The following MAGI1 variants were observed in gnomAD, a reference collection of about 807,000 sequenced individuals.
MAGI1 encodes the protein membrane-associated guanylate kinase, WW and PDZ domain-containing protein 1.
MAGI1 carries 58 observed loss-of-function variants against 139.9 expected under a neutral mutation model. That is an observed-to-expected ratio of 0.41 (90% CI 0.34 to 0.52). MAGI1 has a LOEUF of 0.52. Among genes scored for constraint, MAGI1 ranks in the 20% least tolerant of loss-of-function variants. The pLI is 0.12. For synonymous variants in MAGI1, 812 were observed against 737.9 expected (o/e 1.10, Z -1.63); for missense variants, 1,874 against 1,901.6 (o/e 0.99, Z 0.27).
At chr3:65,924,333 G>T (rs1434866755) in intron 1 of MAGI1, among the ~76,000 whole-genome samples, 2 of 152,152 alleles carry the variant, frequency 1.3e-5, no homozygotes, top group Non-Finnish European at 2.9e-5. Context: ...AATTAAGAAA[G>T]GTCGGTCTAC....
chr3:65,586,668 C>A (rs556907061), intron 2 of MAGI1, among the ~76,000 whole-genome samples: 3 of 152,050 alleles, frequency 2.0e-5, no homozygotes, highest in African/African-American at 7.2e-5. Context: ...CAAAGATACA[C>A]AAAAATACTA....
chr3:65,551,320 A>G (rs1383252843), intron 2 of MAGI1, among the ~76,000 whole-genome samples: 1 of 152,040 alleles, frequency 6.6e-6, no homozygotes, highest in Non-Finnish European at 1.5e-5. Context: ...TTATTTTTTG[A>G]GACGGAGTCT....
In MAGI1 at chr3:65,851,109, G is replaced by GA. The variant is rs570424019; in HGVS notation, c.313+186886dup. Among the ~76,000 whole-genome samples, 297 of 148,618 alleles carry GA rather than the reference G, an allele frequency of 2.0e-3. 9 individuals carry two copies. The East Asian group carries it at 0.04, about 20-fold the overall frequency. On this transcript the variant is annotated intron_variant, in intron 1 of 22. Coordinates refer to ENST00000402939, the MANE Select transcript of MAGI1 (RefSeq NM_001033057.2). Reference sequence around the variant, plus strand: ...GGACAAGAGCGAGACTTCATCTGGAGAAAAAAAAAATGCCTCATTAGAAGG... The same window carrying GA: ...GGACAAGAGCGAGACTTCATCTGGAGAAAAAAAAAAATGCCTCATTAGAAGG...
intron 1 of MAGI1, among the ~76,000 whole-genome samples, chr3:65,824,066 C>T (rs560292699): frequency 6.6e-6 from 1 of 152,292 alleles, no homozygotes; most frequent in South Asian, 2.1e-4. Context: ...AAGTACAAAA[C>T]AATCAATCAG....
chr3:65,428,842 G>A (rs900490831), intron 12 of MAGI1, among the ~76,000 whole-genome samples: 3 of 152,276 alleles, frequency 2.0e-5, no homozygotes, highest in Middle Eastern at 6.8e-3. Context: ...ATAAAGTGAT[G>A]GGAGAAGCCC....
At chr3:65,734,526 AG>A (rs2034528869) in intron 1 of MAGI1, among the ~76,000 whole-genome samples, 2 of 141,736 alleles carry the variant, frequency 1.4e-5, no homozygotes, top group African/African-American at 6.1e-5. Flanking sequence ...AAAGAGAGAA[AG>A]AGAGAGGGGG....
intron 1 of MAGI1, among the ~76,000 whole-genome samples, chr3:65,928,606 T>C (rs549820254): frequency 2.6e-5 from 4 of 152,282 alleles, no homozygotes; most frequent in African/African-American, 7.2e-5. Context: ...CTGTATTCCA[T>C]TGTTTCCTTT....
At chr3:65,359,231 A>T in intron 22 of MAGI1, 1 of 1,594,278 alleles carries the variant, frequency 6.3e-7, no homozygotes, top group Non-Finnish European at 8.5e-7. Context: ...GAACATTTAG[A>T]TTCCCTATAA....
At chr3:65,539,074 A>G (rs2079087987) in intron 2 of MAGI1, among the ~76,000 whole-genome samples, 1 of 152,044 alleles carries the variant, frequency 6.6e-6, no homozygotes, top group Non-Finnish European at 1.5e-5. Context: ...CTACCATCAA[A>G]CAGACACACG....
At chr3:65,770,037 C>A (rs905945075) in intron 1 of MAGI1, among the ~76,000 whole-genome samples, 3 of 152,128 alleles carry the variant, frequency 2.0e-5, no homozygotes, top group African/African-American at 7.2e-5. Flanking sequence ...CTATCTTGGG[C>A]CCATGATGCT....
At chr3:65,842,044 G>A (rs2058825671) in intron 1 of MAGI1, among the ~76,000 whole-genome samples, 1 of 152,122 alleles carries the variant, frequency 6.6e-6, no homozygotes. Context: ...ATTTTTCTCA[G>A]TCTACCTTTC....
At chr3:65,813,985 G>A (rs1285242257) in intron 1 of MAGI1, among the ~76,000 whole-genome samples, 1 of 152,132 alleles carries the variant, frequency 6.6e-6, no homozygotes, top group East Asian at 1.9e-4. Flanking sequence ...ATAAAATTAT[G>A]GGTACGGAAA....
At chr3:65,623,841 C>T (rs2083817483) in intron 1 of MAGI1, among the ~76,000 whole-genome samples, 1 of 152,100 alleles carries the variant, frequency 6.6e-6, no homozygotes, top group African/African-American at 2.4e-5. Context: ...TCTACTGTTT[C>T]AAGTCACCGA....
intron 1 of MAGI1, among the ~76,000 whole-genome samples, chr3:65,890,562 C>A (rs933543006): frequency 6.6e-6 from 1 of 152,156 alleles, no homozygotes; most frequent in Non-Finnish European, 1.5e-5. Context: ...CCAAAATTTC[C>A]CAAAGGACTT....
rs775146505 is a variant in MAGI1 at position 65,356,492 on chromosome 3, G to A, written c.4275C>T (p.Ser1425=). Residue 1425 remains serine, a synonymous_variant, in exon 23 of 23, where the codon AGC becomes AGT. Transcript: ENST00000402939. The stretch of plus-strand genomic sequence containing the variant: ...GATTCGCCTCTTCCCTTTCTCGGTG[G>A]CTGGCTCTGTCCTCTCTGTTCCTTT... ...LDKRNREDRA[S]HREREEANLK... is the part of the protein sequence containing the mutation. 3.2e-5 allele frequency: 52 copies of A among 1,611,514 alleles called. No individual in the cohort carries two copies. Among genetic ancestry groups the A allele is most frequent in the Non-Finnish European group, 4.2e-5 (49 of 1,179,954 alleles).
chr3:65,859,060 T>C (rs1364175435), intron 1 of MAGI1, among the ~76,000 whole-genome samples: 2 of 152,188 alleles, frequency 1.3e-5, no homozygotes, highest in Non-Finnish European at 2.9e-5. Context: ...TGGCTAGGCA[T>C]GGTGGCTTAC....
At chr3:65,479,381 G>T (rs527623193) in intron 3 of MAGI1, among the ~76,000 whole-genome samples, 1 of 152,230 alleles carries the variant, frequency 6.6e-6, no homozygotes, top group East Asian at 1.9e-4. Context: ...AGAAAACCCT[G>T]TGTCAATGGT....
At chr3:65,398,504 A>T (rs1173967653) in intron 13 of MAGI1, among the ~76,000 whole-genome samples, 1 of 152,180 alleles carries the variant, frequency 6.6e-6, no homozygotes, top group African/African-American at 2.4e-5. Context: ...ATCTCAAAAA[A>T]AAAGAGGGGA....
At chr3:65,359,401 C>A (rs1220814691) in intron 22 of MAGI1, 1 of 1,268,110 alleles carries the variant, frequency 7.9e-7, no homozygotes, top group Non-Finnish European at 1.0e-6. Flanking sequence ...AGAACCCAGA[C>A]AACGAATGCA....
Sources: allele counts gnomAD v4.1 joint callset (sites outside exome capture counted in the v4.1 genomes callset), GRCh38; gene constraint gnomAD v4.1.1; transcripts MANE v1.5; gene names NCBI Gene and HGNC (gene_info 2026-07-23, HGNC 2026-07-21).